The following CLVS1 variants were observed in gnomAD, a reference collection of about 807,000 sequenced individuals.
CLVS1 encodes clavesin 1, also known as clavesin-1.
Under a neutral mutation model 33.1 loss-of-function variants are expected in CLVS1, and 10 were observed. The ratio of observed to expected loss-of-function variants is 0.30; its 90% confidence interval spans 0.19 to 0.51. The LOEUF (loss-of-function observed/expected upper bound fraction) is 0.51. CLVS1 is among the 20% of genes least tolerant of loss of function. CLVS1 has a pLI of 0.97. For missense variants in CLVS1, 343 were observed against 433.4 expected, an observed-to-expected ratio of 0.79 and a Z score of 1.85; for synonymous variants, 163 against 166.1, an observed-to-expected ratio of 0.98 and a Z score of 0.14.
rs1266065586 is a variant in CLVS1, at chr8:61,391,940, A to T, written c.630+15161A>T. Among the ~76,000 whole-genome samples the T allele has an allele frequency of 2.0e-5, 3 of 152,332 alleles. No homozygotes were observed. The East Asian group carries it at 5.8e-4, about 29-fold the overall frequency. ...TGAAATATCCTGCAATTCTTTTCTC[A>T]GGTCAGAGCATGTTATCATTAAGTA... On this transcript the variant is annotated intron_variant, in intron 3 of 5. Transcript: ENST00000325897.
chr8:61,349,337 T>TA (rs1812355074), intron 2 of CLVS1, among the ~76,000 whole-genome samples: 1 of 152,014 alleles, frequency 6.6e-6, no homozygotes. Context: ...AGTTGTCAAT[T>TA]AAAAAATAAT....
chr8:61,361,879 A>G (rs1425393121), intron 2 of CLVS1, among the ~76,000 whole-genome samples: 1 of 152,218 alleles, frequency 6.6e-6, no homozygotes, highest in African/African-American at 2.4e-5. Flanking sequence ...AGTAAAGGCT[A>G]CTGTAATAGG....
chr8:61,493,844 G>A (rs1002598575), intron 5 of CLVS1, among the ~76,000 whole-genome samples: 1 of 152,144 alleles, frequency 6.6e-6, no homozygotes, highest in African/African-American at 2.4e-5. Context: ...AAACAGATGG[G>A]TAGAACCTGA....
chr8:61,499,743 T>G lies in CLVS1; in HGVS notation c.*201T>G, dbSNP rs552895867. On this transcript the variant is annotated 3_prime_UTR_variant, in exon 6 of 6. Transcript: ENST00000325897. ...CAAAGACTTGAGAGATGCTTTTTTT[T>G]TCCCCCAGTGAGGGGACTGGAGGAT... 13 of 399,868 alleles carry G rather than the reference T, an allele frequency of 3.3e-5. No homozygotes were observed. Among genetic ancestry groups the G allele is most frequent in the Non-Finnish European group, 5.9e-5 (13 of 220,410 alleles). The allele number at this position is 399,868 out of a possible 1,614,324, so 24.8% of individuals were successfully genotyped here.
At chr8:61,009,670 T>C in the CLVS1 span, among the ~76,000 whole-genome samples, 1 of 152,208 alleles carries the variant, frequency 6.6e-6, no homozygotes, top group African/African-American at 2.4e-5. Context: ...CAATGTCTCT[T>C]ACTTGTTATA....
chr8:61,282,984 C>T (rs1184969157), upstream of CLVS1, among the ~76,000 whole-genome samples: 1 of 152,188 alleles, frequency 6.6e-6, no homozygotes, highest in Non-Finnish European at 1.5e-5. Context: ...ATGTCAAGTG[C>T]CTTCCATGAT....
At chr8:61,271,872 A>T (rs539193037) in intron 2 of CLVS1, among the ~76,000 whole-genome samples, 294 of 150,764 alleles carry the variant, frequency 2.0e-3, no homozygotes, top group Non-Finnish European at 3.0e-3. Flanking sequence ...TGCTTGGTAG[A>T]TCTTCCTCCA....
intron 5 of CLVS1, among the ~76,000 whole-genome samples, chr8:61,481,831 A>G (rs934454153): frequency 7.2e-5 from 11 of 152,252 alleles, no homozygotes; most frequent in African/African-American, 2.4e-4. Context: ...TCCCTGTCTG[A>G]CAGCTTTGAA....
chr8:61,406,208 A>G (rs1814978760), intron 3 of CLVS1, among the ~76,000 whole-genome samples: 1 of 152,222 alleles, frequency 6.6e-6, no homozygotes, highest in Non-Finnish European at 1.5e-5. Flanking sequence ...TAAAAGCAGT[A>G]ATTTCTCTTC....
At chr8:61,132,214 A>G (rs1243449677) in intron 2 of CLVS1, among the ~76,000 whole-genome samples, 11 of 152,230 alleles carry the variant, frequency 7.2e-5, no homozygotes, top group Admixed American at 7.2e-4. Context: ...GCTCAACCCT[A>G]AACTGACCGA....
intron 5 of CLVS1, among the ~76,000 whole-genome samples, chr8:61,486,096 T>C (rs372568885): frequency 4.1e-5 from 5 of 122,266 alleles, no homozygotes; most frequent in Non-Finnish European, 9.0e-5. Flanking sequence ...TAAAGTATAA[T>C]TAAAATAAAT....
Position 61,125,084 on chromosome 8 carries a change from C to T in CLVS1, c.-242-6686C>T, listed in dbSNP as rs528386424. Among the ~76,000 whole-genome samples, 20 of 152,236 alleles carry T rather than the reference C, an allele frequency of 1.3e-4. 1 individual carries two copies. In the South Asian group the frequency reaches 3.9e-3, roughly 30 times the overall value. On this transcript the variant is annotated intron_variant, in intron 1 of 2. Coordinates refer to the CLVS1 transcript ENST00000522621. ...CTAGTTCACCTCTTTGGTAGTTACTCTTATTATCTAAATTGATAAGGAAAT... is the reference window on the plus strand; with the variant it reads ...CTAGTTCACCTCTTTGGTAGTTACTTTTATTATCTAAATTGATAAGGAAAT...
intron 2 of CLVS1, chr8:61,202,681 A>G (rs988826817): frequency 3.0e-5 from 47 of 1,541,674 alleles, no homozygotes; most frequent in Non-Finnish European, 4.0e-5. Flanking sequence ...GCCAGTGCAT[A>G]TTAGTGGACA....
chr8:61,304,663 G>A (rs1810555475), intron 2 of CLVS1, among the ~76,000 whole-genome samples: 1 of 152,124 alleles, frequency 6.6e-6, no homozygotes, highest in Non-Finnish European at 1.5e-5. Context: ...AAGATCTGAT[G>A]AAAAACAAAT....
At chr8:61,399,183 T>C (rs560659300) in intron 3 of CLVS1, among the ~76,000 whole-genome samples, 2 of 152,194 alleles carry the variant, frequency 1.3e-5, no homozygotes, top group Non-Finnish European at 2.9e-5. Flanking sequence ...GTAAAAGTGT[T>C]CCTTTTTCTC....
At chr8:61,234,831 C>A (rs1808522110) in intron 2 of CLVS1, among the ~76,000 whole-genome samples, 1 of 152,120 alleles carries the variant, frequency 6.6e-6, no homozygotes, top group Admixed American at 6.5e-5. Flanking sequence ...CTCAGCATAA[C>A]TGGTGTAATT....
the CLVS1 span, among the ~76,000 whole-genome samples, chr8:60,986,403 T>C: frequency 6.6e-6 from 1 of 152,240 alleles, no homozygotes; most frequent in Non-Finnish European, 1.5e-5. Flanking sequence ...GAACCAGCCA[T>C]GAACAGCCAG....
At chr8:61,394,212 G>A (rs943616413) in intron 3 of CLVS1, among the ~76,000 whole-genome samples, 16 of 152,162 alleles carry the variant, frequency 1.1e-4, no homozygotes, top group African/African-American at 2.9e-4. Flanking sequence ...GAATGCAGGC[G>A]GTTGTTTTCT....
chr8:61,219,934 A>G (rs1380343664), intron 2 of CLVS1, among the ~76,000 whole-genome samples: 1 of 152,116 alleles, frequency 6.6e-6, no homozygotes, highest in African/African-American at 2.4e-5. Context: ...TTTGTTGGCC[A>G]TGTAAATGTC....
Sources: allele counts gnomAD v4.1 joint callset (sites outside exome capture counted in the v4.1 genomes callset), GRCh38; gene constraint gnomAD v4.1.1; transcripts MANE v1.5; gene names NCBI Gene and HGNC (gene_info 2026-07-23, HGNC 2026-07-21).